The following MAMLD1 variants were observed in gnomAD, a reference collection of about 807,000 sequenced individuals.
The protein encoded by MAMLD1 is mastermind like domain containing 1.
In MAMLD1, 14 loss-of-function variants were observed where a neutral mutation model predicts 45.0. The observed-to-expected ratio is 0.31, with a 90% CI of 0.21 to 0.49. The LOEUF (loss-of-function observed/expected upper bound fraction) is 0.49. MAMLD1 is among the 20% of genes least tolerant of loss of function. The pLI, the probability that MAMLD1 is intolerant of heterozygous loss-of-function variation, is 0.99. For missense variants in MAMLD1, 543 were observed against 603.6 expected (o/e 0.90, Z 1.05); for synonymous variants, 254 against 247.8 (o/e 1.02, Z -0.24).
At chrX:150,446,810 T>A (rs2035502095) in intron 2 of MAMLD1, among the ~76,000 whole-genome samples, 1 of 112,836 alleles carries the variant, frequency 8.9e-6, no homozygotes. Flanking sequence ...GCTTCTCTTT[T>A]ATGATCAACA....
chrX:150,365,281 AG>A (rs1322010495), intron 1 of MAMLD1, among the ~76,000 whole-genome samples: 11 of 111,205 alleles, frequency 9.9e-5, no homozygotes, highest in Admixed American at 6.5e-4. Context: ...GCGATGGGGG[AG>A]GGGGCTGTGT....
intron 1 of MAMLD1, among the ~76,000 whole-genome samples, chrX:150,383,258 T>C (rs1051909437): frequency 9.0e-6 from 1 of 110,771 alleles, no homozygotes; most frequent in Non-Finnish European, 1.9e-5. Flanking sequence ...AAAGAAAATA[T>C]AGAGTTTTTT....
At chrX:150,403,960 G>GAA (rs1557402573) in intron 1 of MAMLD1, among the ~76,000 whole-genome samples, 1 of 81,007 alleles carries the variant, frequency 1.2e-5, no homozygotes, top group Non-Finnish European at 2.4e-5. Flanking sequence ...AAGAAAGAAA[G>GAA]AAAGAAAGAA....
chrX:150,433,657 T>A (rs1393159455), intron 1 of MAMLD1, among the ~76,000 whole-genome samples: 1 of 111,745 alleles, frequency 8.9e-6, no homozygotes, highest in Non-Finnish European at 1.9e-5. Flanking sequence ...TTATATCTAT[T>A]GAGATGATCA....
chrX:150,406,035 A>C (rs1460860883), intron 1 of MAMLD1, among the ~76,000 whole-genome samples: 2 of 111,416 alleles, frequency 1.8e-5, no homozygotes, highest in African/African-American at 6.5e-5. Flanking sequence ...AGGAAGAGAA[A>C]GGTCTTGAAC....
intron 1 of MAMLD1, among the ~76,000 whole-genome samples, chrX:150,372,601 C>T (rs1557401134): frequency 2.7e-5 from 3 of 112,437 alleles, no homozygotes; most frequent in Admixed American, 1.9e-4. Context: ...ATTTTCTTCG[C>T]AGTTTGCTGC....
At chrX:150,450,106 G>A (rs1569564822) in intron 2 of MAMLD1, among the ~76,000 whole-genome samples, 2 of 111,840 alleles carry the variant, frequency 1.8e-5, no homozygotes, top group South Asian at 7.5e-4. Flanking sequence ...TGCAGGCCAG[G>A]CACTGTTCTC....
At chrX:150,468,828 T>G (rs782059976) in intron 3 of MAMLD1, among the ~76,000 whole-genome samples, 8 of 111,456 alleles carry the variant, frequency 7.2e-5, no homozygotes, top group African/African-American at 2.3e-4. Context: ...TTTAAATTTT[T>G]GGATTATGAG....
intron 1 of MAMLD1, among the ~76,000 whole-genome samples, chrX:150,428,231 G>T (rs1219652810): frequency 9.0e-6 from 1 of 111,655 alleles, no homozygotes; most frequent in African/African-American, 3.3e-5. Context: ...TGACTAAGGT[G>T]TGAGTACAGT....
rs73638257 is a variant in MAMLD1 at position 150,507,763 on chromosome X, T to C, written c.2285-2199T>C. Among the ~76,000 whole-genome samples the C allele has an allele frequency of 6.8e-3, 766 of 112,363 alleles. 6 individuals carry two copies. Among genetic ancestry groups the C allele is most frequent in the African/African-American group, 0.024 (741 of 30,931 alleles). ...GCCTGCCCTGCCCCGGCGTGGCCTT[T>C]CCTTTTGTCTGGCACGCCCCTGGGC... On this transcript the variant is annotated intron_variant, in intron 6 of 7. Transcript: ENST00000370401.
At chrX:150,399,788 A>C (rs782189961) in intron 1 of MAMLD1, among the ~76,000 whole-genome samples, 1 of 112,174 alleles carries the variant, frequency 8.9e-6, no homozygotes, top group African/African-American at 3.2e-5. Flanking sequence ...AGAACTGTGA[A>C]AGAATGAATT....
intron 1 of MAMLD1, among the ~76,000 whole-genome samples, chrX:150,423,537 G>C (rs191328809): frequency 3.4e-4 from 38 of 110,309 alleles, no homozygotes; most frequent in African/African-American, 1.2e-3. Flanking sequence ...GTACTGATGG[G>C]GATAACCCCA....
At position 150,435,609 on chromosome X, in the gene MAMLD1, G is replaced by A. The variant is rs892527389; in HGVS notation, c.-63-9845G>A. On this transcript the variant is annotated intron_variant, in intron 1 of 7. Transcript: ENST00000370401. The stretch of plus-strand genomic sequence containing the variant: ...ACTTTACTTTGAGCCTATGGGTGTC[G>A]TTGCATGTGATATGGGTCTCATGAA... Among the ~76,000 whole-genome samples, 46 of 112,729 alleles carry A rather than the reference G, an allele frequency of 4.1e-4. 1 individual carries two copies. The highest frequency in any genetic ancestry group is 2.8e-4 in the Admixed American group (3 of 10,715).
At chrX:150,381,101 A>G (rs1474338322) in intron 1 of MAMLD1, among the ~76,000 whole-genome samples, 1 of 111,159 alleles carries the variant, frequency 9.0e-6, no homozygotes, top group Non-Finnish European at 1.9e-5. Flanking sequence ...TTATATATTC[A>G]GTCTCCACAT....
In MAMLD1 at chrX:150,445,632, G is replaced by A. The variant is rs781873091; in HGVS notation, c.96+20G>A. ...GAATCGGTCAGACAATGGGCCATGG[G>A]GGGAGGGGGGTATTTAATGCTTCTA... is the stretch of plus-strand genomic sequence containing the variant. On this transcript the variant is annotated intron_variant, in intron 2 of 7. Transcript: ENST00000370401. The A allele has an allele frequency of 1.1e-5, 12 of 1,086,783 alleles. No individual in the cohort carries two copies. Among genetic ancestry groups the A allele is most frequent in the Non-Finnish European group, 1.5e-5 (12 of 784,938 alleles). The allele number at this position is 1,086,783 out of a possible 1,213,427, so 89.6% of individuals were successfully genotyped here.
Position 150,484,143 on chromosome X carries a change from C to G in MAMLD1, c.2040+10341C>G, listed in dbSNP as rs182460715. Among the ~76,000 whole-genome samples the G allele has an allele frequency of 2.7e-5, 3 of 112,246 alleles. No individual in the cohort carries two copies. The East Asian group carries it at 8.3e-4, about 31-fold the overall frequency. On this transcript the variant is annotated intron_variant, in intron 5 of 7. Coordinates refer to ENST00000370401, the MANE Select transcript of MAMLD1 (RefSeq NM_005491.5). The stretch of plus-strand genomic sequence containing the variant: ...GGCTTAAATGTGACTTATAAAAATA[C>G]TTGATAGTATATGAACAAGCTCCCA...
chrX:150,455,917 A>T (rs1487297981), intron 2 of MAMLD1, among the ~76,000 whole-genome samples: 1 of 110,146 alleles, frequency 9.1e-6, no homozygotes, highest in African/African-American at 3.3e-5. Context: ...GCAAATTCTC[A>T]GCAGCCAAGC....
intron 5 of MAMLD1, among the ~76,000 whole-genome samples, chrX:150,495,200 C>T (rs2037337037): frequency 1.7e-5 from 1 of 59,302 alleles, no homozygotes; most frequent in African/African-American, 5.2e-5. Flanking sequence ...AGTGAGATTC[C>T]GTCTCAAAAC....
chrX:150,368,802 C>A (rs1227362125), intron 1 of MAMLD1, among the ~76,000 whole-genome samples: 1 of 112,286 alleles, frequency 8.9e-6, no homozygotes, highest in Admixed American at 9.4e-5. Context: ...TTCCCAGCAT[C>A]TTTTATTAAA....
Sources: gnomAD v4.1 joint callset for allele counts (sites outside exome capture counted in the v4.1 genomes callset) on GRCh38, gnomAD v4.1.1 for gene constraint, MANE v1.5 for transcripts, NCBI Gene and HGNC (gene_info 2026-07-23, HGNC 2026-07-21) for gene names.